The following GPC6 variants were observed in gnomAD, a reference collection of about 807,000 sequenced individuals.
GPC6 encodes glypican-6.
A neutral mutation model predicts 55.2 loss-of-function variants in GPC6; 14 were observed. The observed-to-expected ratio is 0.25, with a 90% CI of 0.17 to 0.40. GPC6 has a LOEUF of 0.40. Ranked by LOEUF, GPC6 falls within the 10% of genes least tolerant of loss-of-function variation. The pLI is 1.00. For missense variants in GPC6, 641 were observed against 708.5 expected (o/e 0.90, Z 1.08); for synonymous variants, 278 against 259.6 (o/e 1.07, Z -0.68).
intron 1 of GPC6, among the ~76,000 whole-genome samples, chr13:93,246,770 C>T (rs568773896): frequency 5.6e-5 from 6 of 107,438 alleles, no homozygotes; most frequent in East Asian, 3.1e-4. Context: ...CAGGCCTGGG[C>T]GGCAGAGCAA....
intron 4 of GPC6, among the ~76,000 whole-genome samples, chr13:94,217,239 CTG>C (rs1272374776): frequency 6.6e-6 from 1 of 152,024 alleles, no homozygotes; most frequent in Non-Finnish European, 1.5e-5. Flanking sequence ...TTAGCCAACA[CTG>C]TGTTTTATTT....
intron 2 of GPC6, among the ~76,000 whole-genome samples, chr13:93,634,111 T>C (rs1159017253): frequency 6.6e-6 from 1 of 152,234 alleles, no homozygotes; most frequent in Non-Finnish European, 1.5e-5. Flanking sequence ...GAAGAGGATA[T>C]GAAAACTGCT....
chr13:94,028,757 T>A (rs906865805), intron 4 of GPC6, among the ~76,000 whole-genome samples: 2 of 152,176 alleles, frequency 1.3e-5, no homozygotes, highest in Non-Finnish European at 2.9e-5. Context: ...GGAAGGTCTC[T>A]GAATCAAGGC....
At chr13:93,898,277 A>G (rs1191145878) in intron 3 of GPC6, among the ~76,000 whole-genome samples, 1 of 152,134 alleles carries the variant, frequency 6.6e-6, no homozygotes, top group Admixed American at 6.6e-5. Context: ...ATGGTGCAAT[A>G]AATACGGCAT....
chr13:93,604,139 T>G lies in GPC6; in HGVS notation c.319+58718T>G, dbSNP rs140740806. Among the ~76,000 whole-genome samples the G allele has an allele frequency of 1.2e-4, 19 of 152,320 alleles. No homozygotes were observed. The East Asian group carries it at 3.5e-3, about 28-fold the overall frequency. Reference sequence around the variant, plus strand: ...TGTTAATGTCTTTGGTTTACGTCTCTGAGGACAGAAATGTACTTTCTTTGC... The same window carrying G: ...TGTTAATGTCTTTGGTTTACGTCTCGGAGGACAGAAATGTACTTTCTTTGC... On this transcript the variant is annotated intron_variant, in intron 2 of 8. Coordinates refer to ENST00000377047, the MANE Select transcript of GPC6 (RefSeq NM_005708.5).
intron 2 of GPC6, among the ~76,000 whole-genome samples, chr13:93,662,521 T>C (rs1440130162): frequency 6.6e-6 from 1 of 151,984 alleles, no homozygotes; most frequent in Non-Finnish European, 1.5e-5. Flanking sequence ...TCCCAGCTAC[T>C]TGGGAGGCAG....
intron 2 of GPC6, among the ~76,000 whole-genome samples, chr13:93,735,573 G>A (rs1883971241): frequency 6.6e-6 from 1 of 151,906 alleles, no homozygotes; most frequent in Non-Finnish European, 1.5e-5. Context: ...AGGATGATGA[G>A]TAAGGGATGA....
intron 6 of GPC6, among the ~76,000 whole-genome samples, chr13:94,369,204 G>A (rs1879417720): frequency 6.6e-6 from 1 of 152,100 alleles, no homozygotes; most frequent in South Asian, 2.1e-4. Context: ...TGGACACATT[G>A]GAATCTTTCT....
intron 1 of GPC6, among the ~76,000 whole-genome samples, chr13:93,362,871 G>A (rs913067728): frequency 6.6e-6 from 1 of 152,066 alleles, no homozygotes; most frequent in East Asian, 1.9e-4. Flanking sequence ...TTAAATAAAT[G>A]CATTGCTTAG....
At chr13:93,935,682 C>T (rs1878403569) in intron 3 of GPC6, among the ~76,000 whole-genome samples, 2 of 152,164 alleles carry the variant, frequency 1.3e-5, no homozygotes, top group Non-Finnish European at 2.9e-5. Context: ...CTAAACTTTG[C>T]TCTGTTTTGA....
chr13:93,285,475 A>G (rs964749284), intron 1 of GPC6, among the ~76,000 whole-genome samples: 93 of 152,284 alleles, frequency 6.1e-4, no homozygotes, highest in African/African-American at 1.9e-3. Flanking sequence ...TAGTTTGTCA[A>G]TTAGACTACA....
At chr13:93,563,713 G>A (rs745878193) in intron 2 of GPC6, among the ~76,000 whole-genome samples, 9 of 151,046 alleles carry the variant, frequency 6.0e-5, no homozygotes, top group South Asian at 2.1e-4. Flanking sequence ...CAAGAAAAAC[G>A]TCTGGAGCCT....
intron 4 of GPC6, among the ~76,000 whole-genome samples, chr13:94,176,949 A>G (rs1280315884): frequency 6.6e-6 from 1 of 152,216 alleles, no homozygotes; most frequent in Admixed American, 6.5e-5. Context: ...ATCCATAAGT[A>G]CTACCCTAAG....
chr13:94,028,475 C>A (rs966673677), intron 4 of GPC6, among the ~76,000 whole-genome samples: 1 of 151,062 alleles, frequency 6.6e-6, no homozygotes, highest in Non-Finnish European at 1.5e-5. Context: ...TCCATGCACT[C>A]CCGTGAGAAA....
At chr13:93,751,712 A>G (rs1368505520) in intron 2 of GPC6, among the ~76,000 whole-genome samples, 2 of 151,590 alleles carry the variant, frequency 1.3e-5, no homozygotes, top group Non-Finnish European at 2.9e-5. Flanking sequence ...TTTTTGTAGA[A>G]ATGCGGTCTC....
chr13:94,220,151 C>T (rs1890340948), intron 4 of GPC6, among the ~76,000 whole-genome samples: 1 of 152,098 alleles, frequency 6.6e-6, no homozygotes, highest in South Asian at 2.1e-4. Context: ...TGAATTTCCC[C>T]TACCATTCTG....
At chr13:93,546,866 G>A (rs1410106997) in intron 2 of GPC6, among the ~76,000 whole-genome samples, 1 of 152,092 alleles carries the variant, frequency 6.6e-6, no homozygotes. Flanking sequence ...AACAAAGAAA[G>A]AAACAAGAAA....
intron 1 of GPC6, among the ~76,000 whole-genome samples, chr13:93,243,093 C>A (rs557361707): frequency 6.6e-6 from 1 of 152,166 alleles, no homozygotes; most frequent in Non-Finnish European, 1.5e-5. Flanking sequence ...GCAGCCCGCT[C>A]CAGTACTTGG....
chr13:94,374,143 G>T (rs927884822), intron 6 of GPC6, among the ~76,000 whole-genome samples: 15 of 151,468 alleles, frequency 9.9e-5, no homozygotes, highest in African/African-American at 3.6e-4. Context: ...AGACTAGGAA[G>T]AAACTGCATC....
Sources: allele counts gnomAD v4.1 joint callset (sites outside exome capture counted in the v4.1 genomes callset), GRCh38; gene constraint gnomAD v4.1.1; transcripts MANE v1.5; gene names NCBI Gene and HGNC (gene_info 2026-07-23, HGNC 2026-07-21).